Variants in FARP1 observed in about 807,000 individuals in gnomAD.
FARP1 encodes FERM, ARH/RhoGEF and pleckstrin domain protein 1, also known as FERM, ARHGEF and pleckstrin domain-containing protein 1.
A neutral mutation model predicts 128.8 loss-of-function variants in FARP1; 52 were observed. The observed-to-expected ratio is 0.40, with a 90% confidence interval of 0.32 to 0.51. FARP1 has a LOEUF of 0.51. Ranked by LOEUF, FARP1 falls within the 20% of genes least tolerant of loss-of-function variation. The pLI, the probability that FARP1 is intolerant of heterozygous loss-of-function variation, is 0.45. For synonymous variants in FARP1, 580 were observed against 551.8 expected, an observed-to-expected ratio of 1.05 and a Z score of -0.72; for missense variants, 1,333 against 1,367.9, an observed-to-expected ratio of 0.97 and a Z score of 0.40.
chr13:98,381,856 A>G (rs1889898385), intron 6 of FARP1, among the ~76,000 whole-genome samples: 1 of 152,176 alleles, frequency 6.6e-6, no homozygotes, highest in African/African-American at 2.4e-5. Context: ...TAAAACATTT[A>G]AAAAATAGGA....
Position 98,176,862 on chromosome 13 carries a change from C to T in FARP1, c.-24+33370C>T, listed in dbSNP as rs772052064. The T allele has an allele frequency of 2.3e-5, 37 of 1,608,640 alleles. No individual in the cohort carries two copies. The East Asian group carries it at 7.6e-4, about 33-fold the overall frequency. ...CCCGCTGGCTGCACTTGAGGATGGT[C>T]GGCGTATGGTGCTCCTTCTCGGTGT... On this transcript the variant is annotated intron_variant, in intron 1 of 26. Coordinates refer to ENST00000319562, the MANE Select transcript of FARP1 (RefSeq NM_005766.4). This position sits in a 1 kb window ranked among gnomAD's most constrained non-coding sequence, Gnocchi z 6.2.
intron 1 of FARP1, among the ~76,000 whole-genome samples, chr13:98,180,534 T>C (rs1214608315): frequency 6.6e-6 from 1 of 152,228 alleles, no homozygotes; most frequent in Non-Finnish European, 1.5e-5. Flanking sequence ...TGATACTTGA[T>C]TCTTGCAGTT....
At chr13:98,184,041 C>T (rs1234590393) in intron 1 of FARP1, among the ~76,000 whole-genome samples, 1 of 152,126 alleles carries the variant, frequency 6.6e-6, no homozygotes, top group Non-Finnish European at 1.5e-5. Flanking sequence ...TTCCACCTTC[C>T]CAGTTAGATT....
At chr13:98,307,506 G>A (rs559821094) in intron 2 of FARP1, among the ~76,000 whole-genome samples, 106 of 152,196 alleles carry the variant, frequency 7.0e-4, no homozygotes, top group African/African-American at 2.3e-3. Context: ...TGGGTGTCCC[G>A]AGGTGGTGTC....
chr13:98,344,233 A>G (rs950373678), intron 3 of FARP1, among the ~76,000 whole-genome samples: 8 of 152,240 alleles, frequency 5.3e-5, no homozygotes, highest in African/African-American at 1.9e-4. Flanking sequence ...CAAGAAAGCC[A>G]TCAGGATCTA....
Position 98,450,961 on chromosome 13 carries a change from G to C in FARP1, c.*2644G>C, listed in dbSNP as rs535245836. On this transcript the variant is annotated 3_prime_UTR_variant, in exon 27 of 27. Transcript: ENST00000319562. Reference sequence around the variant, plus strand: ...CCCACCTCCCCCGACAGGAAATGCTGCCAGTCAACTCTAAAAGAACCACTT... The same window carrying C: ...CCCACCTCCCCCGACAGGAAATGCTCCCAGTCAACTCTAAAAGAACCACTT... 3 of 152,374 alleles carry C rather than the reference G, an allele frequency of 2.0e-5. No homozygotes were observed. Among genetic ancestry groups the C allele is most frequent in the African/African-American group, 7.2e-5 (3 of 41,574 alleles). 9.4% of individuals were successfully genotyped at this position (152,374 alleles called of 1,614,324 possible).
chr13:98,151,848 G>T lies in FARP1; in HGVS notation c.-24+8356G>T, dbSNP rs142593624. On this transcript the variant is annotated intron_variant, in intron 1 of 26. Coordinates refer to ENST00000319562, the MANE Select transcript of FARP1 (RefSeq NM_005766.4). ...GGCTAATTTTTGTATTTTTAGTAGA[G>T]AGGGGGTTTCATCATGTTGGCTAGG... Among the ~76,000 whole-genome samples, 741 of 151,802 alleles carry T rather than the reference G, an allele frequency of 4.9e-3. 4 individuals are homozygous for T. Among genetic ancestry groups the T allele is most frequent in the African/African-American group, 0.016 (683 of 41,406 alleles).
chr13:98,410,942 T>C, intron 15 of FARP1, 119 bp downstream of exon 15: 1 of 548,494 alleles, frequency 1.8e-6, no homozygotes, highest in Non-Finnish European at 3.4e-6. Flanking sequence ...GTTGAAAGGA[T>C]TGTGGTCCTA....
At chr13:98,411,854 C>T (rs775606018) in intron 15 of FARP1, 47 bp from the exon 16 acceptor site, 15 of 1,596,504 alleles carry the variant, frequency 9.4e-6, no homozygotes, top group Admixed American at 6.9e-5. Flanking sequence ...TGCAGACACT[C>T]GTCATTGATC....
At position 98,176,938 on chromosome 13, in the gene FARP1, G is replaced by A. The variant is rs1187968446; in HGVS notation, c.-24+33446G>A. 6.2e-7 allele frequency: 1 copy of A among 1,602,910 alleles called. No homozygotes were observed. The highest frequency in any genetic ancestry group is 8.5e-7 in the Non-Finnish European group (1 of 1,179,902). The stretch of plus-strand genomic sequence containing the variant: ...CATGTCCTCTGGCCCCACAGGCTTC[G>A]CCGAGCGGGTGGACCTGTACACCAC... On this transcript the variant is annotated intron_variant, in intron 1 of 26. Coordinates refer to ENST00000319562, the MANE Select transcript of FARP1 (RefSeq NM_005766.4). The surrounding 1 kb of genome is among the most constrained non-coding windows in gnomAD (Gnocchi z 6.2).
chr13:98,373,533 G>GACACACACACAC (rs58658962), intron 5 of FARP1, among the ~76,000 whole-genome samples: 2,381 of 130,996 alleles, frequency 0.018, 18 homozygotes, highest in Non-Finnish European at 0.022. Flanking sequence ...CAGACAGACA[G>GACACACACACAC]ACACACACAC....
At chr13:98,286,027 A>G (rs1885150179) in intron 2 of FARP1, among the ~76,000 whole-genome samples, 1 of 152,072 alleles carries the variant, frequency 6.6e-6, no homozygotes, top group Non-Finnish European at 1.5e-5. Flanking sequence ...CCCTGAGATC[A>G]GTATATCTAA....
chr13:98,361,183 C>T (rs779989298), intron 3 of FARP1, among the ~76,000 whole-genome samples: 1 of 152,196 alleles, frequency 6.6e-6, no homozygotes, highest in Non-Finnish European at 1.5e-5. Flanking sequence ...TCTCCCTCAG[C>T]TCTGCAATCT....
rs994442577 is a variant in FARP1 at position 98,438,795 on chromosome 13, C to A, written c.2275-9C>A. ...TCGCAGCCAGCCCTCCGGTCTGTCTCCCCTGCAGGAGTTCATCCGTCTGGG... is the reference window on the plus strand; with the variant it reads ...TCGCAGCCAGCCCTCCGGTCTGTCTACCCTGCAGGAGTTCATCCGTCTGGG... On this transcript the variant is annotated splice_polypyrimidine_tract_variant and intron_variant, in intron 19 of 26. Coordinates refer to ENST00000319562, the MANE Select transcript of FARP1 (RefSeq NM_005766.4). The A allele has an allele frequency of 6.2e-7, 1 of 1,611,662 alleles. No individual in the cohort carries two copies. Among genetic ancestry groups the A allele is most frequent in the Non-Finnish European group, 8.5e-7 (1 of 1,179,414 alleles).
intron 1 of FARP1, among the ~76,000 whole-genome samples, chr13:98,192,019 A>G (rs1879263122): frequency 6.6e-6 from 1 of 152,166 alleles, no homozygotes; most frequent in East Asian, 1.9e-4. Context: ...CAGCAAGTCA[A>G]ATTCTTTGCA....
At chr13:98,301,315 G>C (rs190265185) in intron 2 of FARP1, among the ~76,000 whole-genome samples, 39 of 152,032 alleles carry the variant, frequency 2.6e-4, no homozygotes, top group African/African-American at 9.0e-4. Context: ...TTCCACGTCT[G>C]TTTACCATCT....
intron 5 of FARP1, among the ~76,000 whole-genome samples, chr13:98,369,287 T>C (rs1413469962): frequency 2.0e-5 from 3 of 151,692 alleles, no homozygotes; most frequent in African/African-American, 7.3e-5. Context: ...GGCAGGAACA[T>C]GTGTGGATAA....
chr13:98,378,651 C>G (rs1889694793), intron 6 of FARP1, among the ~76,000 whole-genome samples: 2 of 151,742 alleles, frequency 1.3e-5, no homozygotes, highest in Admixed American at 6.6e-5. Flanking sequence ...TCAGTCCCCT[C>G]CTATCCTGAT....
intron 2 of FARP1, among the ~76,000 whole-genome samples, chr13:98,271,175 G>C (rs1384150022): frequency 6.6e-6 from 1 of 152,178 alleles, no homozygotes; most frequent in Non-Finnish European, 1.5e-5. Context: ...GTCTGCTCTG[G>C]CTTAGACACT....
Sources: allele counts gnomAD v4.1 joint callset (sites outside exome capture counted in the v4.1 genomes callset), GRCh38; gene constraint gnomAD v4.1.1; non-coding constraint Gnocchi (gnomAD v3.1); transcripts MANE v1.5; gene names NCBI Gene and HGNC (gene_info 2026-07-23, HGNC 2026-07-21).